ZRANB1: variants seen among roughly 807,000 people sequenced by gnomAD.
ZRANB1 encodes ubiquitin thioesterase ZRANB1.
ZRANB1 carries 16 observed loss-of-function variants against 80.5 expected under a neutral mutation model. The ratio of observed to expected loss-of-function variants is 0.20; its 90% confidence interval spans 0.13 to 0.30. The LOEUF (loss-of-function observed/expected upper bound fraction) is 0.30, where lower values mean the gene tolerates loss of function less well. Among genes scored for constraint, ZRANB1 ranks in the 10% least tolerant of loss-of-function variants. ZRANB1 has a pLI of 1.00. For missense variants in ZRANB1, 576 were observed against 862.6 expected (o/e 0.67, Z 4.16); for synonymous variants, 291 against 293.1 (o/e 0.99, Z 0.07).
At position 124,984,747 on chromosome 10, in the gene ZRANB1, C is replaced by G. The variant is rs757334618; in HGVS notation, c.1909-27C>G. 3.2e-5 allele frequency: 52 copies of G among 1,605,662 alleles called. No homozygotes were observed. The South Asian group carries it at 5.4e-4, about 17-fold the overall frequency. The stretch of plus-strand genomic sequence containing the variant: ...AGTCTCTGATCTGTTGTATGATTTT[C>G]CCTTTGTCTTCATATTCCTCCAAAA... On this transcript the variant is annotated intron_variant, in intron 8 of 8. Coordinates refer to ENST00000359653, the MANE Select transcript of ZRANB1 (RefSeq NM_017580.3).
At chr10:124,952,061 G>A (rs1048186803) in intron 1 of ZRANB1, among the ~76,000 whole-genome samples, 4 of 152,042 alleles carry the variant, frequency 2.6e-5, no homozygotes, top group Non-Finnish European at 5.9e-5. Context: ...TTCCTTATAG[G>A]TTCATCTCCC....
upstream of ZRANB1, among the ~76,000 whole-genome samples, chr10:124,937,989 A>G (rs1346629489): frequency 6.6e-6 from 1 of 152,240 alleles, no homozygotes; most frequent in Non-Finnish European, 1.5e-5. Context: ...TATTTTACCA[A>G]TTAATTGAAG....
rs115731809 is a variant in ZRANB1 at position 124,985,110 on chromosome 10, C to T, written c.*118C>T. 2.1e-3 allele frequency: 1,637 copies of T among 775,116 alleles called. 26 individuals are homozygous for T. In the African/African-American group the frequency reaches 0.025, roughly 12 times the overall value. The allele number at this position is 775,116 out of a possible 1,614,324, so 48.0% of individuals were successfully genotyped here. ...TGAACCAAATCTGGCAGGATCTGCT[C>T]GGGGAAGTGTTTTCCTGGACCACAC... On this transcript the variant is annotated 3_prime_UTR_variant, in exon 9 of 9. Transcript: ENST00000359653.
chr10:124,968,509 G>T (rs1951794829), intron 2 of ZRANB1, among the ~76,000 whole-genome samples: 1 of 152,164 alleles, frequency 6.6e-6, no homozygotes, highest in South Asian at 2.1e-4. Context: ...TGAGTATAAG[G>T]GAGAAGGGAA....
chr10:124,976,021 A>G (rs1171574308), intron 5 of ZRANB1, among the ~76,000 whole-genome samples: 1 of 152,176 alleles, frequency 6.6e-6, no homozygotes, highest in Non-Finnish European at 1.5e-5. Flanking sequence ...CGGAGGGGGA[A>G]GCATAACGTA....
chr10:124,968,857 A>T (rs1951797703), intron 2 of ZRANB1, among the ~76,000 whole-genome samples: 1 of 152,228 alleles, frequency 6.6e-6, no homozygotes, highest in Non-Finnish European at 1.5e-5. Context: ...TATTTATTGC[A>T]GTATCACAGA....
the ZRANB1 span, among the ~76,000 whole-genome samples, chr10:124,926,625 CTTT>C: frequency 6.7e-6 from 1 of 148,432 alleles, no homozygotes. Flanking sequence ...TTACAGTAGA[CTTT>C]TTTTTTTAAA....
At chr10:124,921,855 T>G in the ZRANB1 span, among the ~76,000 whole-genome samples, 34 of 152,084 alleles carry the variant, frequency 2.2e-4, no homozygotes, top group Non-Finnish European at 5.9e-5. Flanking sequence ...GGTATTTTGG[T>G]TAATTCCATG....
At chr10:124,936,151 GTGGCATGTT>G in the ZRANB1 span, among the ~76,000 whole-genome samples, 3 of 152,176 alleles carry the variant, frequency 2.0e-5, no homozygotes, top group Admixed American at 6.6e-5. Flanking sequence ...TCGGGCGTGT[GTGGCATGTT>G]TGGGAGTGAG....
chr10:124,959,779 A>G (rs927568986), intron 1 of ZRANB1, among the ~76,000 whole-genome samples: 2 of 152,192 alleles, frequency 1.3e-5, no homozygotes, highest in African/African-American at 4.8e-5. Context: ...ACTTTTGAAA[A>G]GGGAATGCCG....
At chr10:124,917,085 G>T in the ZRANB1 span, 1 of 153,460 alleles carries the variant, frequency 6.5e-6, no homozygotes, top group Non-Finnish European at 1.5e-5. Flanking sequence ...AGGGGAGAGG[G>T]CGGAGGCGGC....
chr10:124,963,554 G>GTTTTTTTTTTTTTTTTTTTTTTTTTGTTT (rs760813299), intron 1 of ZRANB1, among the ~76,000 whole-genome samples: 4 of 57,510 alleles, frequency 7.0e-5, no homozygotes, highest in African/African-American at 1.2e-4. Flanking sequence ...TTTTTTGTTT[G>GTTTTTTTTTTTTTTTTTTTTTTTTTGTTT]TTTTTTTTTT....
intron 5 of ZRANB1, among the ~76,000 whole-genome samples, chr10:124,975,907 C>T (rs1271916512): frequency 2.6e-5 from 4 of 152,174 alleles, no homozygotes; most frequent in Non-Finnish European, 5.9e-5. Context: ...GAAGCTGAGG[C>T]ACGAGAATTG....
intron 1 of ZRANB1, among the ~76,000 whole-genome samples, chr10:124,959,917 G>A (rs760911531): frequency 6.6e-6 from 1 of 152,218 alleles, no homozygotes; most frequent in Admixed American, 6.5e-5. Context: ...GGTAGAGTCA[G>A]TGGAGATGGG....
At chr10:124,922,801 A>G in the ZRANB1 span, among the ~76,000 whole-genome samples, 1 of 151,976 alleles carries the variant, frequency 6.6e-6, no homozygotes, top group African/African-American at 2.4e-5. Context: ...TTGCCTGGCT[A>G]ATTTTTGTAT....
At chr10:124,963,562 T>G (rs990953524) in intron 1 of ZRANB1, among the ~76,000 whole-genome samples, 1,917 of 139,070 alleles carry the variant, frequency 0.014, 36 homozygotes, top group African/African-American at 0.038. Flanking sequence ...TTGTTTTTTT[T>G]TTTTTTTTTT....
At position 124,984,037 on chromosome 10, in the gene ZRANB1, G is replaced by A. The variant is rs189609328; in HGVS notation, c.1908+349G>A. On this transcript the variant is annotated intron_variant, in intron 8 of 8. Coordinates refer to ENST00000359653, the MANE Select transcript of ZRANB1 (RefSeq NM_017580.3). Reference sequence around the variant, plus strand: ...TAAGAGGGGAAGCAACAGGGAAAGAGAGAGGGTAGGCGGCAGGGGGAGGGA... The same window carrying A: ...TAAGAGGGGAAGCAACAGGGAAAGAAAGAGGGTAGGCGGCAGGGGGAGGGA... Among the ~76,000 whole-genome samples the A allele has an allele frequency of 5.1e-3, 772 of 152,294 alleles. 13 individuals carry two copies. Among genetic ancestry groups the A allele is most frequent in the Non-Finnish European group, 7.5e-3 (507 of 68,026 alleles).
intron 5 of ZRANB1, among the ~76,000 whole-genome samples, chr10:124,981,133 G>T (rs1051611005): frequency 1.3e-5 from 2 of 152,154 alleles, no homozygotes; most frequent in African/African-American, 2.4e-5. Context: ...ACAAAGAATC[G>T]ATGTGTTTTC....
rs1175907403 is a variant in ZRANB1, at chr10:124,987,010, G to GTGAT, written c.*2019_*2022dup. 2.0e-5 allele frequency: 3 copies of GTGAT among 152,562 alleles called. No homozygotes were observed. The highest frequency in any genetic ancestry group is 7.2e-5 in the African/African-American group (3 of 41,416). 9.5% of individuals were successfully genotyped at this position (152,562 alleles called of 1,614,324 possible). ...CAATCAGTGACCCTGACCACATAGT[G>GTGAT]TGATAGGTGCAGCATTCTTCCCTGT... On this transcript the variant is annotated 3_prime_UTR_variant, in exon 9 of 9. Transcript: ENST00000359653.
Sources: allele counts gnomAD v4.1 joint callset (sites outside exome capture counted in the v4.1 genomes callset), GRCh38; gene constraint gnomAD v4.1.1; transcripts MANE v1.5; gene names NCBI Gene and HGNC (gene_info 2026-07-23, HGNC 2026-07-21).